The following HNRNPH3 variants were observed in gnomAD, a reference collection of about 807,000 sequenced individuals.
HNRNPH3 encodes heterogeneous nuclear ribonucleoprotein 2H9.
In HNRNPH3, 7 loss-of-function variants were observed where a neutral mutation model predicts 47.0. The ratio of observed to expected loss-of-function variants is 0.15; its 90% CI spans 0.08 to 0.28. HNRNPH3 has a LOEUF of 0.28. Ranked by LOEUF, HNRNPH3 falls within the 10% of genes least tolerant of loss-of-function variation. HNRNPH3 has a pLI of 1.00. For missense variants in HNRNPH3, 279 were observed against 449.6 expected, an observed-to-expected ratio of 0.62 and a Z score of 3.43; for synonymous variants, 120 against 143.2, an observed-to-expected ratio of 0.84 and a Z score of 1.16.
rs1191636817 is a variant in HNRNPH3, at chr10:68,337,420, ATT to A, written c.112+90_112+91del. 11 of 836,502 alleles carry A rather than the reference ATT, an allele frequency of 1.3e-5. No individual in the cohort carries two copies. Among genetic ancestry groups the A allele is most frequent in the Non-Finnish European group, 1.9e-5 (10 of 516,700 alleles). The allele number at this position is 836,502 out of a possible 1,614,324, so 51.8% of individuals were successfully genotyped here. A position where few individuals can be genotyped will look rare whatever the true frequency, so the allele number is the denominator to read the frequency against. On this transcript the variant is annotated intron_variant, in intron 2 of 9. Transcript: ENST00000265866. This position sits in a 1 kb window ranked among gnomAD's most constrained non-coding sequence, Gnocchi z 4.5. ...GTTTTTAATTTGTAAAACCCATTTG[ATT>A]TTGGAACTTTTAAGTTTAACTATGA...
chr10:68,334,076 AACTG>A (rs1402687399), intron 1 of HNRNPH3, among the ~76,000 whole-genome samples: 3 of 120,856 alleles, frequency 2.5e-5, no homozygotes, highest in East Asian at 5.2e-4. Context: ...TGTTTTGGTA[AACTG>A]ACTGAACTGC....
At position 68,341,686 on chromosome 10, in the gene HNRNPH3, TAA is replaced by T. The variant is rs1311206112; in HGVS notation, c.871+8_871+9del. ...CTACGGAAGAGATGGAATGGGTATG[TAA>T]AGTTTTTAAAATATGCAGGGTTAGC... On this transcript the variant is annotated splice_region_variant and intron_variant, in intron 8 of 9. Coordinates refer to ENST00000265866, the MANE Select transcript of HNRNPH3 (RefSeq NM_012207.3). 2 of 1,607,020 alleles carry T rather than the reference TAA, an allele frequency of 1.2e-6. No homozygotes were observed. Among genetic ancestry groups the T allele is most frequent in the Non-Finnish European group, 1.7e-6 (2 of 1,175,300 alleles).
intron 6 of HNRNPH3, 81 bp downstream of exon 6, chr10:68,339,636 T>A (rs1026339531): frequency 7.2e-6 from 6 of 838,446 alleles, no homozygotes; most frequent in Non-Finnish European, 1.1e-5. Context: ...TGTTCTCATG[T>A]TTATAGCTTA....
At chr10:68,333,993 C>T (rs532017952) in intron 1 of HNRNPH3, among the ~76,000 whole-genome samples, 3 of 152,124 alleles carry the variant, frequency 2.0e-5, no homozygotes, top group Admixed American at 6.5e-5. Context: ...TTTTTCTGTC[C>T]TCTTTTCATT....
chr10:68,340,707 T>G (rs545157647), intron 6 of HNRNPH3, among the ~76,000 whole-genome samples: 1 of 152,328 alleles, frequency 6.6e-6, no homozygotes, highest in Admixed American at 6.5e-5. Context: ...CCAAATGATA[T>G]CTTTTGGGGA....
At chr10:68,333,368 C>T (rs2045327581) in intron 1 of HNRNPH3, among the ~76,000 whole-genome samples, 1 of 152,068 alleles carries the variant, frequency 6.6e-6, no homozygotes. Context: ...TTTTGGGAAA[C>T]AGTTAAAACA....
Position 68,337,964 on chromosome 10 carries a change from T to C in HNRNPH3, c.219T>C (p.Ala73=). 1.9e-6 allele frequency: 3 copies of C among 1,613,150 alleles called. No individual in the cohort carries two copies. The highest frequency in any genetic ancestry group is 1.7e-6 in the Non-Finnish European group (2 of 1,179,350). Residue 73 remains alanine, a synonymous_variant, in exon 3 of 10, where the codon GCT becomes GCC. Transcript: ENST00000265866. This position sits in a 1 kb window ranked among gnomAD's most constrained non-coding sequence, Gnocchi z 4.5. ...QFASKEIAEN[A]LGKHKERIGH... ...CTTCAAAGGAGATAGCAGAAAATGC[T>C]CTGGGGAAACACAAGGAAAGAATAG...
chr10:68,335,429 T>TA (rs760376614), intron 1 of HNRNPH3, among the ~76,000 whole-genome samples: 38 of 124,552 alleles, frequency 3.1e-4, no homozygotes, highest in African/African-American at 5.2e-4. Context: ...TGGTGCTATT[T>TA]AAAAAAAATA....
intron 1 of HNRNPH3, among the ~76,000 whole-genome samples, chr10:68,334,767 C>T (rs2045449795): frequency 6.6e-6 from 1 of 152,132 alleles, no homozygotes; most frequent in Admixed American, 6.5e-5. Flanking sequence ...GGTACTAGCA[C>T]CTAGAATTCT....
Position 68,337,323 on chromosome 10 carries a change from G to A in HNRNPH3, c.102G>A (p.Gln34=). Reference sequence around the variant, plus strand: ...GTTGCAGCAAAGAGGAAATAGTTCAGTTCTTTCAAGGTACCTCTAGTATTA... The same window carrying A: ...GTTGCAGCAAAGAGGAAATAGTTCAATTCTTTCAAGGTACCTCTAGTATTA... ...PFGCSKEEIV[Q]FFQGLEIVPN... is the part of the protein sequence containing the mutation. The change falls in exon 2 of 10, where the codon CAG becomes CAA. Residue 34 remains glutamine, a synonymous_variant. Transcript: ENST00000265866. This position sits in a 1 kb window ranked among gnomAD's most constrained non-coding sequence, Gnocchi z 4.5. The A allele has an allele frequency of 6.3e-7, 1 of 1,582,404 alleles. No individual in the cohort carries two copies. Among genetic ancestry groups the A allele is most frequent in the East Asian group, 2.2e-5 (1 of 44,736 alleles).
At chr10:68,335,815 A>G (rs1388202709) in intron 1 of HNRNPH3, among the ~76,000 whole-genome samples, 1 of 152,204 alleles carries the variant, frequency 6.6e-6, no homozygotes, top group Non-Finnish European at 1.5e-5. Context: ...TGGTTCAGGT[A>G]GCCAGTGAGT....
chr10:68,337,767 T>TTTGTC lies in HNRNPH3; in HGVS notation c.113-90_113-89insTGTCT, dbSNP rs1654686294. On this transcript the variant is annotated intron_variant, in intron 2 of 9. Transcript: ENST00000265866. This position sits in a 1 kb window ranked among gnomAD's most constrained non-coding sequence, Gnocchi z 4.5. Reference sequence around the variant, plus strand: ...GCTTTTTTGTTTTGTTTTGTTTTGTTTAGACTTGTTTTAAATATTTGATTC... The same window carrying TTTGTC: ...GCTTTTTTGTTTTGTTTTGTTTTGTTTTGTCTAGACTTGTTTTAAATATTTGATTC... 51 of 1,192,720 alleles carry TTTGTC rather than the reference T, an allele frequency of 4.3e-5. No homozygotes were observed. In the South Asian group the frequency reaches 8.0e-4, roughly 19 times the overall value. 73.9% of individuals were successfully genotyped at this position (1,192,720 alleles called of 1,614,324 possible).
chr10:68,339,090 A>G, intron 4 of HNRNPH3, 50 bp from the exon 5 acceptor site: 1 of 1,392,066 alleles, frequency 7.2e-7, no homozygotes, highest in Non-Finnish European at 9.9e-7. Flanking sequence ...AAATTATAAA[A>G]TTTATCTCTG....
At chr10:68,340,719 C>T (rs571915708) in intron 6 of HNRNPH3, among the ~76,000 whole-genome samples, 2 of 152,172 alleles carry the variant, frequency 1.3e-5, no homozygotes, top group Non-Finnish European at 2.9e-5. Context: ...TTTTGGGGAA[C>T]AATTTCATAT....
chr10:68,332,330 G>A (rs1237441034), intron 1 of HNRNPH3, 114 bp downstream of exon 1: 1 of 152,142 alleles, frequency 6.6e-6, no homozygotes, highest in Non-Finnish European at 1.5e-5. Flanking sequence ...TCGCCGCTCG[G>A]AGGCCGCCGC....
chr10:68,340,786 A>T (rs1034529562), intron 6 of HNRNPH3, among the ~76,000 whole-genome samples: 1 of 147,466 alleles, frequency 6.8e-6, no homozygotes, highest in African/African-American at 2.5e-5. Flanking sequence ...GATATCCCGT[A>T]TTTCTCTCTG....
intron 1 of HNRNPH3, among the ~76,000 whole-genome samples, chr10:68,333,414 A>G (rs1462182210): frequency 6.6e-6 from 1 of 151,646 alleles, no homozygotes; most frequent in Non-Finnish European, 1.5e-5. Flanking sequence ...ATTGAAATTG[A>G]GCTTTCGATG....
chr10:68,335,169 C>G (rs1353702862), intron 1 of HNRNPH3, among the ~76,000 whole-genome samples: 2 of 150,790 alleles, frequency 1.3e-5, no homozygotes, highest in East Asian at 3.9e-4. Flanking sequence ...ATCCAATTGG[C>G]TTGCTAGTAA....
At chr10:68,340,139 A>T (rs1000183533) in intron 6 of HNRNPH3, among the ~76,000 whole-genome samples, 3 of 151,956 alleles carry the variant, frequency 2.0e-5, no homozygotes, top group Non-Finnish European at 4.4e-5. Flanking sequence ...GGTTCAAGTT[A>T]TTCTTCTGCC....
Sources: allele counts gnomAD v4.1 joint callset (sites outside exome capture counted in the v4.1 genomes callset), GRCh38; gene constraint gnomAD v4.1.1; non-coding constraint Gnocchi (gnomAD v3.1); transcripts MANE v1.5; gene names NCBI Gene and HGNC (gene_info 2026-07-23, HGNC 2026-07-21).